Variants in HSPBP1 observed in about 807,000 individuals in gnomAD.
HSPBP1 encodes hsp70-binding protein 1.
HSPBP1 carries 31 observed loss-of-function variants against 41.7 expected under a neutral mutation model. The observed-to-expected ratio is 0.74, with a 90% confidence interval of 0.56 to 1.00. The LOEUF (loss-of-function observed/expected upper bound fraction) is 1.00, where lower values mean the gene tolerates loss of function less well. HSPBP1 is among the 50% of genes least tolerant of loss of function. The pLI is 0.00. For synonymous variants in HSPBP1, 199 were observed against 214.4 expected (o/e 0.93, Z 0.63); for missense variants, 439 against 487.9 (o/e 0.90, Z 0.94).
rs374357747 is a variant in HSPBP1, at chr19:55,265,912, G to A, written c.867C>T (p.His289=). ...ALVRTEHSPF[H]EHVLGALCSL... ...TGCACAGGGCTCCAAGCACGTGCTC[G>A]TGGAAGGGGCTGTGCTCTGTCCGCA... Residue 289 remains histidine, a synonymous_variant, in exon 6 of 8, where the codon CAC becomes CAT. Transcript: ENST00000433386. 2.0e-5 allele frequency: 32 copies of A among 1,607,826 alleles called. No individual in the cohort carries two copies. Among genetic ancestry groups the A allele is most frequent in the African/African-American group, 4.0e-5 (3 of 74,718 alleles).
Position 55,270,079 on chromosome 19 carries a change from CAG to C in HSPBP1, c.641-3795_641-3794del, listed in dbSNP as rs2087881491. Among the ~76,000 whole-genome samples, 1 of 152,158 alleles carries C rather than the reference CAG, an allele frequency of 6.6e-6. No individual in the cohort carries two copies. Among genetic ancestry groups the C allele is most frequent in the Admixed American group, 6.5e-5 (1 of 15,284 alleles). ...ACGGAACTCCAGTAATGGTACTGGA[CAG>C]CCACACAATGGCATACCCTGCAGCC... On this transcript the variant is annotated intron_variant, in intron 4 of 7. Transcript: ENST00000433386. This position sits in a 1 kb window ranked among gnomAD's most constrained non-coding sequence, Gnocchi z 5.4.
Position 55,279,518 on chromosome 19 carries a change from A to AGCCGCCGCCGCCGCC in HSPBP1, c.76_90dup (p.Gly26_Gly30dup), listed in dbSNP as rs3040014. ...GAATTGCCCGAGCCCCCAGCCGAGG[A>AGCCGCCGCCGCCGCC]GCCGCCGCCGCCGCCCCCTGAAGAG... On this transcript the variant is annotated inframe_insertion, in exon 2 of 8. Transcript: ENST00000433386. 6.3e-5 allele frequency: 101 copies of AGCCGCCGCCGCCGCC among 1,597,978 alleles called. No individual in the cohort carries two copies. Among genetic ancestry groups the AGCCGCCGCCGCCGCC allele is most frequent in the Non-Finnish European group, 6.1e-5 (72 of 1,172,162 alleles).
In HSPBP1 at chr19:55,270,127, C is replaced by A. The variant is rs1225425170; in HGVS notation, c.641-3841G>T. On this transcript the variant is annotated intron_variant, in intron 4 of 7. Coordinates refer to ENST00000433386, the MANE Select transcript of HSPBP1 (RefSeq NM_012267.5). This position sits in a 1 kb window ranked among gnomAD's most constrained non-coding sequence, Gnocchi z 5.4. ...CAGCCACCAAAAAAAAGGACAGATG[C>A]CACTGAATGGTATACTTTAACATTT... Among the ~76,000 whole-genome samples, 1 of 152,202 alleles carries A rather than the reference C, an allele frequency of 6.6e-6. No homozygotes were observed. The highest frequency in any genetic ancestry group is 1.9e-4 in the East Asian group (1 of 5,196).
At chr19:55,275,681 G>T (rs1454239943) in intron 3 of HSPBP1, among the ~76,000 whole-genome samples, 1 of 151,842 alleles carries the variant, frequency 6.6e-6, no homozygotes, top group South Asian at 2.1e-4. Flanking sequence ...CAGGTGCGGT[G>T]GCTCATGACT....
Position 55,262,242 on chromosome 19 carries a change from C to G in HSPBP1, c.*366G>C, listed in dbSNP as rs146808207. ...GCTCTATAGATGATAAAGAGCAACA[C>G]TTTTATTATTCTTCCAGTGGCTCCC... On this transcript the variant is annotated 3_prime_UTR_variant, in exon 8 of 8. Coordinates refer to ENST00000433386, the MANE Select transcript of HSPBP1 (RefSeq NM_012267.5). The G allele has an allele frequency of 1.4e-4, 57 of 414,758 alleles. No individual in the cohort carries two copies. The East Asian group carries it at 5.9e-3, about 43-fold the overall frequency. The allele number at this position is 414,758 out of a possible 1,614,324, so 25.7% of individuals were successfully genotyped here.
intron 3 of HSPBP1, among the ~76,000 whole-genome samples, chr19:55,277,362 C>T (rs1195874619): frequency 6.6e-6 from 1 of 152,262 alleles, no homozygotes; most frequent in Non-Finnish European, 1.5e-5. Flanking sequence ...TGCCACCCCA[C>T]CCATGCCACT....
intron 2 of HSPBP1, 78 bp downstream of exon 2, chr19:55,279,321 C>A (rs2088163380): frequency 1.5e-6 from 2 of 1,296,344 alleles, no homozygotes; most frequent in Admixed American, 2.4e-5. Context: ...TCTTGTGGCT[C>A]CCCAAGTCAC....
At chr19:55,267,954 C>T (rs146721115) in intron 4 of HSPBP1, among the ~76,000 whole-genome samples, 40 of 152,268 alleles carry the variant, frequency 2.6e-4, no homozygotes, top group Middle Eastern at 6.8e-3. Context: ...AGTAAGGTGC[C>T]CCCTCCTGGG....
At chr19:55,274,902 A>AG (rs1437490746) in intron 3 of HSPBP1, among the ~76,000 whole-genome samples, 3 of 152,120 alleles carry the variant, frequency 2.0e-5, no homozygotes, top group Non-Finnish European at 2.9e-5. Context: ...AGCCAAGGAG[A>AG]GGGGGGCTCA....
rs1349353619 is a variant in HSPBP1 at position 55,270,270 on chromosome 19, C to T, written c.641-3984G>A. ...CCGACCACCACGTGGTGAGGCCGCT[C>T]ACGCAGCCCGAGCTTCCTGCCAACT... On this transcript the variant is annotated intron_variant, in intron 4 of 7. Transcript: ENST00000433386. The surrounding 1 kb of genome is among the most constrained non-coding windows in gnomAD (Gnocchi z 5.4). Among the ~76,000 whole-genome samples, 2 of 152,228 alleles carry T rather than the reference C, an allele frequency of 1.3e-5. No individual in the cohort carries two copies. Among genetic ancestry groups the T allele is most frequent in the Non-Finnish European group, 2.9e-5 (2 of 68,048 alleles).
Position 55,265,280 on chromosome 19 carries a change from G to A in HSPBP1, c.1003C>T (p.Gln335Ter). ...CACCCCGTCCCCTCCCCATGTACCT[G>A]GTACTCCTCATGCTGCTGCAGCAGC... ...CQLLQQHEEY[Q>*]EELEFCEKLL... The change falls in exon 7 of 8, where the codon CAG (glutamine) becomes TAG (stop). Residue 335 changes from glutamine (Q) to a stop codon, truncating the protein, a stop_gained and splice_region_variant. Transcript: ENST00000433386. LOFTEE classifies it high-confidence loss of function. 6.2e-7 allele frequency: 1 copy of A among 1,606,314 alleles called. No individual in the cohort carries two copies.
In HSPBP1 at chr19:55,270,321, G is replaced by T. The variant is rs8105032; in HGVS notation, c.641-4035C>A. ...GCCAGCAAAACTCTGCTAGCCCCGG[G>T]GCGAGCCATGGTGGAAGCCCATCTC... is the stretch of plus-strand genomic sequence containing the variant. On this transcript the variant is annotated intron_variant, in intron 4 of 7. Transcript: ENST00000433386. The surrounding 1 kb of genome is among the most constrained non-coding windows in gnomAD (Gnocchi z 5.4). 6.6e-6 allele frequency among the ~76,000 whole-genome samples: 1 copy of T among 152,018 alleles called. No homozygotes were observed. Among genetic ancestry groups the T allele is most frequent in the South Asian group, 2.1e-4 (1 of 4,824 alleles).
Position 55,272,574 on chromosome 19 carries a change from C to A in HSPBP1, c.640+1824G>T, listed in dbSNP as rs1242764966. Among the ~76,000 whole-genome samples the A allele has an allele frequency of 6.6e-6, 1 of 152,174 alleles. No homozygotes were observed. Among genetic ancestry groups the A allele is most frequent in the Non-Finnish European group, 1.5e-5 (1 of 68,032 alleles). On this transcript the variant is annotated intron_variant, in intron 4 of 7. Transcript: ENST00000433386. This position sits in a 1 kb window ranked among gnomAD's most constrained non-coding sequence, Gnocchi z 4.2. ...CTGAAATTTTGGCCGGGCGCAGTGGCTCACGCCTGTAATCCCAACACTTTG... is the reference window on the plus strand; with the variant it reads ...CTGAAATTTTGGCCGGGCGCAGTGGATCACGCCTGTAATCCCAACACTTTG...
At position 55,262,494 on chromosome 19, in the gene HSPBP1, C is replaced by T; in HGVS notation, c.*114G>A. ...GACTGCACAGAGACGGGCTGGCACA[C>T]CCTGGGTCCAGGCACCTAGGCCCTG... On this transcript the variant is annotated 3_prime_UTR_variant, in exon 8 of 8. Coordinates refer to ENST00000433386, the MANE Select transcript of HSPBP1 (RefSeq NM_012267.5). 6.6e-7 allele frequency: 1 copy of T among 1,509,456 alleles called. No homozygotes were observed. The highest frequency in any genetic ancestry group is 8.9e-7 in the Non-Finnish European group (1 of 1,125,614). 93.5% of individuals were successfully genotyped at this position (1,509,456 alleles called of 1,614,324 possible).
rs1246118412 is a variant in HSPBP1, at chr19:55,279,742, C to T, written c.-94-40G>A. The T allele has an allele frequency of 1.4e-5, 21 of 1,534,160 alleles. No individual in the cohort carries two copies. In the East Asian group the frequency reaches 4.2e-4, roughly 30 times the overall value. ...GCGTTTCAGGGGAGCTCGGCGACCC[C>T]CCATGACCCCAAACCACTCTGCCCC... is the stretch of plus-strand genomic sequence containing the variant. On this transcript the variant is annotated intron_variant, in intron 1 of 7. Transcript: ENST00000433386.
chr19:55,278,482 G>A (rs750119412), intron 2 of HSPBP1, among the ~76,000 whole-genome samples: 13 of 152,162 alleles, frequency 8.5e-5, no homozygotes, highest in Middle Eastern at 6.8e-3. Flanking sequence ...AATAGCTATC[G>A]CTATGAATCT....
At position 55,262,588 on chromosome 19, in the gene HSPBP1, G is replaced by A; in HGVS notation, c.*20C>T. ...AGGCCTGGGGTTCCCACGGAGAAGG[G>A]GGCAAGAAGCCACCTGGTTTCACCG... On this transcript the variant is annotated 3_prime_UTR_variant, in exon 8 of 8. Coordinates refer to ENST00000433386, the MANE Select transcript of HSPBP1 (RefSeq NM_012267.5). 1 of 1,612,948 alleles carries A rather than the reference G, an allele frequency of 6.2e-7. No homozygotes were observed. The highest frequency in any genetic ancestry group is 8.5e-7 in the Non-Finnish European group (1 of 1,179,460).
chr19:55,278,807 G>C (rs2088145465), intron 2 of HSPBP1, among the ~76,000 whole-genome samples: 1 of 152,094 alleles, frequency 6.6e-6, no homozygotes, highest in East Asian at 1.9e-4. Flanking sequence ...CCAGCTACTG[G>C]GGACGCTGAG....
At chr19:55,266,315 G>C in intron 4 of HSPBP1, 29 bp from the exon 5 acceptor site, 1 of 1,540,012 alleles carries the variant, frequency 6.5e-7, no homozygotes, top group Non-Finnish European at 8.8e-7. Flanking sequence ...TCCTGAGCTT[G>C]CAGTCACCAC....
Sources: gnomAD v4.1 joint callset for allele counts (sites outside exome capture counted in the v4.1 genomes callset) on GRCh38, gnomAD v4.1.1 for gene constraint, Gnocchi (gnomAD v3.1) non-coding constraint, MANE v1.5 for transcripts, NCBI Gene and HGNC (gene_info 2026-07-23, HGNC 2026-07-21) for gene names.